Variants in DTNB observed in about 807,000 individuals in gnomAD.
The protein encoded by DTNB is dystrobrevin beta.
Under a neutral mutation model 90.7 loss-of-function variants are expected in DTNB, and 63 were observed. The observed-to-expected ratio is 0.69, with a 90% confidence interval of 0.57 to 0.86. The LOEUF is 0.86. Ranked by LOEUF, DTNB falls within the 40% of genes least tolerant of loss-of-function variation. The probability of loss-of-function intolerance (pLI) is 0.00; values close to 1 mark genes in which losing one functional copy is unlikely to be tolerated. For synonymous variants in DTNB, 277 were observed against 286.7 expected (o/e 0.97, Z 0.34); for missense variants, 744 against 807.1 (o/e 0.92, Z 0.95).
At chr2:25,430,355 A>T (rs993281398) in intron 14 of DTNB, among the ~76,000 whole-genome samples, 3 of 152,176 alleles carry the variant, frequency 2.0e-5, no homozygotes, top group Admixed American at 2.0e-4. Context: ...GATAAGAAGG[A>T]TCTACTCATT....
chr2:25,400,105 A>G (rs1039058240), intron 16 of DTNB, among the ~76,000 whole-genome samples: 3 of 152,180 alleles, frequency 2.0e-5, no homozygotes, highest in African/African-American at 7.2e-5. Flanking sequence ...GATACTCTGT[A>G]TAAGATGGAA....
intron 2 of DTNB, among the ~76,000 whole-genome samples, chr2:25,644,745 C>T (rs910179250): frequency 2.6e-5 from 4 of 151,974 alleles, no homozygotes; most frequent in Admixed American, 6.6e-5. Flanking sequence ...GGTGACAAAG[C>T]GAGATTCTGC....
At chr2:25,594,791 A>AAAT (rs549425070) in intron 6 of DTNB, 108 of 152,386 alleles carry the variant, frequency 7.1e-4, no homozygotes, top group Non-Finnish European at 1.1e-3. Flanking sequence ...CTTTATCCTT[A>AAAT]AATAGTTCAA....
At chr2:25,398,799 T>C (rs2149623566) in intron 16 of DTNB, among the ~76,000 whole-genome samples, 1 of 152,268 alleles carries the variant, frequency 6.6e-6, no homozygotes, top group East Asian at 1.9e-4. Context: ...TCCTCTAGGA[T>C]GAGACAATGT....
At chr2:25,644,764 T>TA (rs1357891556) in intron 2 of DTNB, among the ~76,000 whole-genome samples, 1 of 151,456 alleles carries the variant, frequency 6.6e-6, no homozygotes, top group Non-Finnish European at 1.5e-5. Flanking sequence ...GCATCAAAAA[T>TA]AAAAAAATGA....
chr2:25,592,421 T>A lies in DTNB; in HGVS notation c.603+3665A>T, dbSNP rs543419919. On this transcript the variant is annotated intron_variant, in intron 6 of 20. Transcript: ENST00000406818. ...TAAAGAGTACTGGATACTCCAAATATCTTTACCAGTATTCGAAGTCAGTAT... is the reference window on the plus strand; with the variant it reads ...TAAAGAGTACTGGATACTCCAAATAACTTTACCAGTATTCGAAGTCAGTAT... Among the ~76,000 whole-genome samples, 380 of 152,314 alleles carry A rather than the reference T, an allele frequency of 2.5e-3. 4 individuals carry two copies. The highest frequency in any genetic ancestry group is 2.5e-3 in the Non-Finnish European group (168 of 68,022).
At chr2:25,544,429 G>C (rs1194710214) in intron 8 of DTNB, among the ~76,000 whole-genome samples, 2 of 152,172 alleles carry the variant, frequency 1.3e-5, no homozygotes, top group Non-Finnish European at 1.5e-5. Context: ...CCTGACATTG[G>C]GAACATAACA....
At position 25,500,659 on chromosome 2, in the gene DTNB, G is replaced by A. The variant is rs548482447; in HGVS notation, c.1002-17786C>T. Among the ~76,000 whole-genome samples, 13 of 152,248 alleles carry A rather than the reference G, an allele frequency of 8.5e-5. No homozygotes were observed. The South Asian group carries it at 2.1e-3, about 24-fold the overall frequency. ...GCCAGTGAACTATAAATCAGCTGCA[G>A]AAGTAGTCCAGGGACTTCCAGTACA... On this transcript the variant is annotated intron_variant, in intron 9 of 20. Transcript: ENST00000406818.
intron 1 of DTNB, among the ~76,000 whole-genome samples, chr2:25,670,566 TCA>T (rs1210735032): frequency 6.6e-6 from 1 of 152,218 alleles, no homozygotes; most frequent in African/African-American, 2.4e-5. Context: ...CAGCACACAG[TCA>T]CACAGAGTGT....
At chr2:25,587,871 A>C (rs1387027195) in intron 6 of DTNB, among the ~76,000 whole-genome samples, 1 of 152,170 alleles carries the variant, frequency 6.6e-6, no homozygotes, top group Non-Finnish European at 1.5e-5. Context: ...TCTAAGATGC[A>C]CTTATAAGAT....
intron 12 of DTNB, among the ~76,000 whole-genome samples, chr2:25,434,275 C>T (rs751799950): frequency 9.2e-5 from 14 of 151,992 alleles, no homozygotes; most frequent in Admixed American, 8.5e-4. Flanking sequence ...GGCAGCCATG[C>T]GTCTGCTTTC....
chr2:25,465,610 C>T (rs546912020), intron 10 of DTNB, among the ~76,000 whole-genome samples: 43 of 152,290 alleles, frequency 2.8e-4, no homozygotes, highest in Non-Finnish European at 4.7e-4. Flanking sequence ...GCTGACCTTT[C>T]CACTATTCCA....
intron 16 of DTNB, among the ~76,000 whole-genome samples, chr2:25,399,655 T>C (rs182005121): frequency 2.8e-4 from 17 of 61,040 alleles, no homozygotes; most frequent in Admixed American, 2.1e-3. Context: ...TGAATCTTTA[T>C]GTGAGATACT....
intron 8 of DTNB, among the ~76,000 whole-genome samples, chr2:25,550,869 C>CA (rs935730386): frequency 1.3e-5 from 2 of 152,186 alleles, no homozygotes; most frequent in Admixed American, 6.5e-5. Context: ...ACGCTGGTCT[C>CA]AAACTCCTGA....
chr2:25,520,154 C>T (rs950272716), intron 9 of DTNB, among the ~76,000 whole-genome samples: 1 of 152,106 alleles, frequency 6.6e-6, no homozygotes, highest in African/African-American at 2.4e-5. Context: ...GAGACCGAGG[C>T]GGGTGGATGA....
At chr2:25,642,773 A>C (rs1259137719) in intron 2 of DTNB, among the ~76,000 whole-genome samples, 12 of 151,334 alleles carry the variant, frequency 7.9e-5, no homozygotes, top group Admixed American at 7.9e-4. Flanking sequence ...TTTTGTTTTG[A>C]GATAGAGTCT....
At chr2:25,540,015 T>C (rs535538978) in intron 8 of DTNB, among the ~76,000 whole-genome samples, 47 of 152,334 alleles carry the variant, frequency 3.1e-4, no homozygotes, top group African/African-American at 1.1e-3. Flanking sequence ...TATTCTATTT[T>C]TGCTCCTATA....
chr2:25,510,094 G>A (rs2073607983), intron 9 of DTNB, among the ~76,000 whole-genome samples: 1 of 151,852 alleles, frequency 6.6e-6, no homozygotes, highest in Non-Finnish European at 1.5e-5. Flanking sequence ...ATGAACTTGG[G>A]ACAATTTCCA....
At chr2:25,563,275 C>A (rs996799376) in intron 8 of DTNB, among the ~76,000 whole-genome samples, 1 of 152,150 alleles carries the variant, frequency 6.6e-6, no homozygotes, top group Non-Finnish European at 1.5e-5. Context: ...TTGCCCTTTA[C>A]CCATTTTAAA....
Sources: gnomAD v4.1 joint callset for allele counts (sites outside exome capture counted in the v4.1 genomes callset) on GRCh38, gnomAD v4.1.1 for gene constraint, MANE v1.5 for transcripts, NCBI Gene and HGNC (gene_info 2026-07-23, HGNC 2026-07-21) for gene names.